The following ASB3 variants were observed in gnomAD, a reference collection of about 807,000 sequenced individuals.
ASB3 encodes the protein ankyrin repeat and SOCS box protein 3.
A neutral mutation model predicts 54.5 loss-of-function variants in ASB3; 41 were observed. The ratio of observed to expected loss-of-function variants is 0.75; its 90% confidence interval spans 0.59 to 0.98. The LOEUF is 0.98. ASB3 is among the 50% of genes least tolerant of loss of function. The probability of loss-of-function intolerance (pLI) is 0.00; values close to 1 mark genes in which losing one functional copy is unlikely to be tolerated. For missense variants in ASB3, 733 were observed against 620.0 expected (o/e 1.18, Z -1.94); for synonymous variants, 266 against 221.2 (o/e 1.20, Z -1.80).
At position 53,781,795 on chromosome 2, in the gene ASB3, G is replaced by A. The variant is rs867352516; in HGVS notation, c.-14+5026C>T. On this transcript the variant is annotated intron_variant, in intron 1 of 9. Coordinates refer to ENST00000263634, the MANE Select transcript of ASB3 (RefSeq NM_016115.5). ...CAGGCGTGAGCCACCACGCCCGGCG[G>A]AGATTCTTTTTTAATTAGGACAAAA... Among the ~76,000 whole-genome samples the A allele has an allele frequency of 1.6e-4, 25 of 152,316 alleles. No homozygotes were observed. In the Middle Eastern group the frequency reaches 0.01, roughly 62 times the overall value.
intron 1 of ASB3, among the ~76,000 whole-genome samples, chr2:53,782,995 A>G (rs367863445): frequency 2.2e-4 from 34 of 152,212 alleles, no homozygotes; most frequent in African/African-American, 8.2e-4. Context: ...CATGTTGGCC[A>G]GGCTGGTCTT....
At chr2:53,759,645 G>GTGTCCTT in intron 2 of ASB3, among the ~76,000 whole-genome samples, 1 of 152,306 alleles carries the variant, frequency 6.6e-6, no homozygotes, top group Middle Eastern at 3.4e-3. Context: ...CTCTGGAACA[G>GTGTCCTT]GGAAAGGCTG....
intron 5 of ASB3, among the ~76,000 whole-genome samples, chr2:53,718,286 G>T (rs370056906): frequency 0.24 from 37,156 of 151,848 alleles, 4,534 homozygotes; most frequent in Middle Eastern, 0.3. Context: ...AGAGAAAAAC[G>T]TCAGATCACA....
At chr2:53,766,526 T>C (rs1378776796) in intron 1 of ASB3, among the ~76,000 whole-genome samples, 1 of 152,216 alleles carries the variant, frequency 6.6e-6, no homozygotes, top group East Asian at 1.9e-4. Flanking sequence ...CTTATTCTTA[T>C]GAGACACATG....
intron 2 of ASB3, among the ~76,000 whole-genome samples, 155 bp from the exon 3 acceptor site, chr2:53,751,096 A>G (rs1357350781): frequency 2.0e-5 from 3 of 152,170 alleles, no homozygotes. Flanking sequence ...AAATCAAGAA[A>G]AAGTTCTACA....
chr2:53,766,269 C>G (rs760891945), intron 1 of ASB3, among the ~76,000 whole-genome samples: 1 of 152,200 alleles, frequency 6.6e-6, no homozygotes, highest in African/African-American at 2.4e-5. Flanking sequence ...AGAGTTCTTG[C>G]CCACATCATC....
intron 1 of ASB3, chr2:53,767,900 G>C: frequency 4.3e-6 from 7 of 1,612,172 alleles, no homozygotes; most frequent in Non-Finnish European, 5.9e-6. Flanking sequence ...TGGGTTTTTG[G>C]TTACGGGTCC....
intron 7 of ASB3, among the ~76,000 whole-genome samples, chr2:53,703,936 T>C (rs2103781631): frequency 6.6e-6 from 1 of 152,334 alleles, no homozygotes; most frequent in East Asian, 1.9e-4. Flanking sequence ...ACCAAATCCC[T>C]AAAAATTAGA....
At chr2:53,756,356 G>A (rs1044803834) in intron 2 of ASB3, among the ~76,000 whole-genome samples, 1 of 152,038 alleles carries the variant, frequency 6.6e-6, no homozygotes, top group African/African-American at 2.4e-5. Context: ...TTTGAACTAG[G>A]TTTCTTTCAC....
At chr2:53,691,797 C>T (rs1668928371) in intron 9 of ASB3, among the ~76,000 whole-genome samples, 1 of 152,156 alleles carries the variant, frequency 6.6e-6, no homozygotes, top group African/African-American at 2.4e-5. Context: ...CCCAGTCTTA[C>T]TAAAATTCCA....
At chr2:53,717,680 T>C (rs1237794805) in intron 5 of ASB3, among the ~76,000 whole-genome samples, 1 of 152,114 alleles carries the variant, frequency 6.6e-6, no homozygotes, top group African/African-American at 2.4e-5. Flanking sequence ...GTTCCCGCAA[T>C]GGTTCCTGAC....
intron 7 of ASB3, among the ~76,000 whole-genome samples, chr2:53,702,669 A>T (rs1190025953): frequency 1.3e-5 from 2 of 152,178 alleles, no homozygotes; most frequent in Non-Finnish European, 2.9e-5. Context: ...AAAAATTAAA[A>T]TCCAATGTCT....
At chr2:53,775,582 TCTC>T (rs1286873371) in intron 1 of ASB3, among the ~76,000 whole-genome samples, 1 of 152,180 alleles carries the variant, frequency 6.6e-6, no homozygotes, top group Non-Finnish European at 1.5e-5. Flanking sequence ...TTCAAGGAAT[TCTC>T]CTGCCTCAGC....
At chr2:53,678,348 T>A (rs1028160814) in intron 9 of ASB3, among the ~76,000 whole-genome samples, 1 of 152,160 alleles carries the variant, frequency 6.6e-6, no homozygotes, top group Non-Finnish European at 1.5e-5. Flanking sequence ...GTGGTCATCA[T>A]TTTTATCACA....
intron 9 of ASB3, among the ~76,000 whole-genome samples, chr2:53,687,008 T>C (rs149681844): frequency 0.015 from 2,261 of 152,294 alleles, 58 homozygotes; most frequent in African/African-American, 0.051. Context: ...GCATGAGCCA[T>C]GGCGCCTGGC....
At chr2:53,752,049 A>C (rs549970522) in intron 2 of ASB3, among the ~76,000 whole-genome samples, 1 of 152,334 alleles carries the variant, frequency 6.6e-6, no homozygotes, top group South Asian at 2.1e-4. Context: ...ATGACATGAA[A>C]ACCTAGGAAC....
intron 2 of ASB3, among the ~76,000 whole-genome samples, chr2:53,761,907 T>C (rs1366904907): frequency 2.6e-5 from 4 of 152,190 alleles, no homozygotes; most frequent in African/African-American, 4.8e-5. Flanking sequence ...AGCAAAACTT[T>C]AGGAAACAAA....
In ASB3 at chr2:53,700,410, T is replaced by C. The variant is rs746787025; in HGVS notation, c.1099A>G (p.Lys367Glu). The C allele has an allele frequency of 3.1e-6, 5 of 1,614,106 alleles. No individual in the cohort carries two copies. The highest frequency in any genetic ancestry group is 3.4e-6 in the Non-Finnish European group (4 of 1,179,998). The change falls in exon 8 of 10, where the codon AAA becomes GAA. Residue 367 changes from lysine to glutamate, a missense_variant. Transcript: ENST00000263634. ...KFSIFRYFLR[K>E]GCSLGPWNHI... ...TTCCATGGTCCCAATGAGCAACCTT[T>C]CCTCAAAAAGTAGCGAAATATCGAA...
intron 8 of ASB3, among the ~76,000 whole-genome samples, chr2:53,697,322 G>C (rs1669239242): frequency 6.6e-6 from 1 of 152,180 alleles, no homozygotes; most frequent in Non-Finnish European, 1.5e-5. Context: ...TTCACCCCTT[G>C]TTTAGCATGT....
Sources: gnomAD v4.1 joint callset for allele counts (sites outside exome capture counted in the v4.1 genomes callset) on GRCh38, gnomAD v4.1.1 for gene constraint, MANE v1.5 for transcripts, NCBI Gene and HGNC (gene_info 2026-07-23, HGNC 2026-07-21) for gene names.